KIRREL3: variants seen among roughly 807,000 people sequenced by gnomAD.
The protein encoded by KIRREL3 is kin of IRRE-like protein 3.
Under a neutral mutation model 89.7 loss-of-function variants are expected in KIRREL3, and 36 were observed. The ratio of observed to expected loss-of-function variants is 0.40; its 90% CI spans 0.31 to 0.53. The LOEUF is 0.53. Among genes scored for constraint, KIRREL3 ranks in the 20% least tolerant of loss-of-function variants. The pLI is 0.49. For missense variants in KIRREL3, 864 were observed against 1,056.6 expected, an observed-to-expected ratio of 0.82 and a Z score of 2.53; for synonymous variants, 445 against 441.4, an observed-to-expected ratio of 1.01 and a Z score of -0.10.
rs1013885211 is a variant in KIRREL3 at position 126,531,694 on chromosome 11, C to T, written c.134-5007G>A. 1.3e-5 allele frequency among the ~76,000 whole-genome samples: 2 copies of T among 152,098 alleles called. No individual in the cohort carries two copies. Among genetic ancestry groups the T allele is most frequent in the African/African-American group, 4.8e-5 (2 of 41,406 alleles). On this transcript the variant is annotated intron_variant, in intron 2 of 16. Coordinates refer to ENST00000525144, the MANE Select transcript of KIRREL3 (RefSeq NM_032531.4). This position sits in a 1 kb window ranked among gnomAD's most constrained non-coding sequence, Gnocchi z 4.7. ...GTCTTCTCTCTATATTCTCATCTTG[C>T]CTCTTTTTCATCAATTTCTCCAAAC...
intron 1 of KIRREL3, among the ~76,000 whole-genome samples, chr11:126,654,044 A>G (rs1002485915): frequency 1.3e-5 from 2 of 152,154 alleles, no homozygotes; most frequent in Admixed American, 1.3e-4. Flanking sequence ...GATGTCCTTG[A>G]ATCTCCCTAT....
Position 126,870,065 on chromosome 11 carries a change from T to C in KIRREL3, c.55+130390A>G, listed in dbSNP as rs923446707. On this transcript the variant is annotated intron_variant, in intron 1 of 16. Transcript: ENST00000525144. The surrounding 1 kb of genome is among the most constrained non-coding windows in gnomAD (Gnocchi z 4.4). Reference sequence around the variant, plus strand: ...GTCCTCTAATCTTGAGTAAAGTTCATTGGGCCCATGTACAGCTGGCACTTC... The same window carrying C: ...GTCCTCTAATCTTGAGTAAAGTTCACTGGGCCCATGTACAGCTGGCACTTC... Among the ~76,000 whole-genome samples the C allele has an allele frequency of 1.3e-4, 20 of 152,210 alleles. No individual in the cohort carries two copies. Among genetic ancestry groups the C allele is most frequent in the Admixed American group, 6.5e-4 (10 of 15,284 alleles).
At chr11:126,590,125 C>T (rs941639170) in intron 1 of KIRREL3, among the ~76,000 whole-genome samples, 1 of 152,208 alleles carries the variant, frequency 6.6e-6, no homozygotes, top group Non-Finnish European at 1.5e-5. Context: ...GCATACCTAA[C>T]CATTATACAG....
At chr11:126,596,420 T>C (rs972916788) in intron 1 of KIRREL3, among the ~76,000 whole-genome samples, 1 of 152,232 alleles carries the variant, frequency 6.6e-6, no homozygotes, top group Non-Finnish European at 1.5e-5. Flanking sequence ...ACATGCCCAA[T>C]GTCACACAGC....
At chr11:126,942,010 CT>C (rs1368469396) in intron 1 of KIRREL3, among the ~76,000 whole-genome samples, 1 of 152,168 alleles carries the variant, frequency 6.6e-6, no homozygotes, top group Non-Finnish European at 1.5e-5. Flanking sequence ...AAGAACTGGC[CT>C]TTACCAGCTC....
At chr11:126,873,528 C>T (rs1945176339) in intron 1 of KIRREL3, among the ~76,000 whole-genome samples, 1 of 152,166 alleles carries the variant, frequency 6.6e-6, no homozygotes, top group Non-Finnish European at 1.5e-5. Context: ...TCCCTTTGTG[C>T]ATTTTTCTTT....
chr11:126,493,047 G>C (rs1373535659), intron 4 of KIRREL3, among the ~76,000 whole-genome samples: 2 of 152,244 alleles, frequency 1.3e-5, no homozygotes, highest in Non-Finnish European at 2.9e-5. Context: ...CAATTTCCCT[G>C]CAGGGATTGA....
At position 126,715,591 on chromosome 11, in the gene KIRREL3, A is replaced by G. The variant is rs1243713260; in HGVS notation, c.56-152679T>C. On this transcript the variant is annotated intron_variant, in intron 1 of 16. Transcript: ENST00000525144. The surrounding 1 kb of genome is among the most constrained non-coding windows in gnomAD (Gnocchi z 4.4). ...GCTTGAGAAAATGCAGTTTGGGAATATAGGAGAACGTGGACCATTTTGCAA... is the reference window on the plus strand; with the variant it reads ...GCTTGAGAAAATGCAGTTTGGGAATGTAGGAGAACGTGGACCATTTTGCAA... Among the ~76,000 whole-genome samples, 1 of 152,196 alleles carries G rather than the reference A, an allele frequency of 6.6e-6. No individual in the cohort carries two copies. The highest frequency in any genetic ancestry group is 1.5e-5 in the Non-Finnish European group (1 of 68,038).
chr11:126,665,891 T>C (rs1945640271), intron 1 of KIRREL3, among the ~76,000 whole-genome samples: 2 of 152,190 alleles, frequency 1.3e-5, no homozygotes, highest in Admixed American at 6.5e-5. Flanking sequence ...TTTGTAAAAC[T>C]GGAATCATAA....
intron 1 of KIRREL3, among the ~76,000 whole-genome samples, chr11:126,820,010 T>G (rs919559861): frequency 6.6e-6 from 1 of 152,246 alleles, no homozygotes; most frequent in Non-Finnish European, 1.5e-5. Flanking sequence ...AAATTTGAAG[T>G]GCTTTCAACA....
Position 126,475,677 on chromosome 11 carries a change from C to T in KIRREL3, c.434-2211G>A, listed in dbSNP as rs117496837. Among the ~76,000 whole-genome samples the T allele has an allele frequency of 0.028, 4,290 of 152,246 alleles. 92 individuals are homozygous for T. The highest frequency in any genetic ancestry group is 0.048 in the Middle Eastern group (14 of 294). On this transcript the variant is annotated intron_variant, in intron 4 of 16. Coordinates refer to ENST00000525144, the MANE Select transcript of KIRREL3 (RefSeq NM_032531.4). This position sits in a 1 kb window ranked among gnomAD's most constrained non-coding sequence, Gnocchi z 7.5. ...TGAATGGGATGGATGGAGAAGACGA[C>T]CCCCCAGCCGCCCACCCCACACCCT... is the stretch of plus-strand genomic sequence containing the variant.
chr11:126,499,620 C>T (rs1251735824), intron 4 of KIRREL3, among the ~76,000 whole-genome samples: 1 of 152,236 alleles, frequency 6.6e-6, no homozygotes, highest in Non-Finnish European at 1.5e-5. Context: ...GCACGCCAAA[C>T]ATCCCAAACG....
rs189211950 is a variant in KIRREL3, at chr11:126,919,744, A to G, written c.55+80711T>C. 3.3e-5 allele frequency among the ~76,000 whole-genome samples: 5 copies of G among 152,348 alleles called. No individual in the cohort carries two copies. The South Asian group carries it at 6.2e-4, about 19-fold the overall frequency. ...TATGTGCACAGTAAGCATGGGGCTA[A>G]ATAGGTGTGCATGACTTTCAGATTA... On this transcript the variant is annotated intron_variant, in intron 1 of 16. Coordinates refer to ENST00000525144, the MANE Select transcript of KIRREL3 (RefSeq NM_032531.4).
rs560602456 is a variant in KIRREL3 at position 126,747,106 on chromosome 11, G to A, written c.56-184194C>T. Among the ~76,000 whole-genome samples, 23 of 152,336 alleles carry A rather than the reference G, an allele frequency of 1.5e-4. No individual in the cohort carries two copies. In the South Asian group the frequency reaches 3.3e-3, roughly 22 times the overall value. ...ATTGAAGACCTTTCCTAAAATGACT[G>A]GAATCGCCTCAGCTGTGTAGCTAAC... is the stretch of plus-strand genomic sequence containing the variant. On this transcript the variant is annotated intron_variant, in intron 1 of 16. Transcript: ENST00000525144. The surrounding 1 kb of genome is among the most constrained non-coding windows in gnomAD (Gnocchi z 4.7).
chr11:126,574,336 G>T lies in KIRREL3; in HGVS notation c.56-11424C>A, dbSNP rs926952008. Among the ~76,000 whole-genome samples the T allele has an allele frequency of 6.6e-6, 1 of 152,162 alleles. No individual in the cohort carries two copies. Among genetic ancestry groups the T allele is most frequent in the Non-Finnish European group, 1.5e-5 (1 of 68,036 alleles). On this transcript the variant is annotated intron_variant, in intron 1 of 16. Transcript: ENST00000525144. The surrounding 1 kb of genome is among the most constrained non-coding windows in gnomAD (Gnocchi z 5.3). Reference sequence around the variant, plus strand: ...CCTTCAGAGCCCCATATCCAAGCTGGTGGCCCAGCAACAAAAATCAAAGCT... The same window carrying T: ...CCTTCAGAGCCCCATATCCAAGCTGTTGGCCCAGCAACAAAAATCAAAGCT...
At chr11:126,425,065 T>C in intron 16 of KIRREL3, 42 bp from the exon 17 acceptor site, 1 of 1,461,280 alleles carries the variant, frequency 6.8e-7, no homozygotes, top group Non-Finnish European at 9.1e-7. Flanking sequence ...TGGTGGAGTC[T>C]CCACTGAGCG....
Position 126,867,016 on chromosome 11 carries a change from T to C in KIRREL3, c.55+133439A>G, listed in dbSNP as rs1944948212. Among the ~76,000 whole-genome samples, 1 of 152,228 alleles carries C rather than the reference T, an allele frequency of 6.6e-6. No homozygotes were observed. The highest frequency in any genetic ancestry group is 2.4e-5 in the African/African-American group (1 of 41,462). On this transcript the variant is annotated intron_variant, in intron 1 of 16. Transcript: ENST00000525144. This position sits in a 1 kb window ranked among gnomAD's most constrained non-coding sequence, Gnocchi z 4.7. ...TGTCCTTGCGATAAGGCAGAGGGTC[T>C]AATTGAGCTGGTTAACACAAGCTGC...
At chr11:126,482,079 C>T (rs1347725757) in intron 4 of KIRREL3, among the ~76,000 whole-genome samples, 1 of 152,198 alleles carries the variant, frequency 6.6e-6, no homozygotes, top group Non-Finnish European at 1.5e-5. Flanking sequence ...ACTCTTGTTG[C>T]CCAGGCTGGA....
chr11:126,486,663 C>A lies in KIRREL3; in HGVS notation c.434-13197G>T, dbSNP rs1321055365. Among the ~76,000 whole-genome samples the A allele has an allele frequency of 2.6e-5, 4 of 152,126 alleles. No homozygotes were observed. Among genetic ancestry groups the A allele is most frequent in the African/African-American group, 9.7e-5 (4 of 41,420 alleles). The stretch of plus-strand genomic sequence containing the variant: ...TGGTATGGTGGGCCCTTGCAGTAGC[C>A]TTATTTCATAGGTGGGTAAACTGAG... On this transcript the variant is annotated intron_variant, in intron 4 of 16. Transcript: ENST00000525144. This position sits in a 1 kb window ranked among gnomAD's most constrained non-coding sequence, Gnocchi z 6.2.
Sources: allele counts gnomAD v4.1 joint callset (sites outside exome capture counted in the v4.1 genomes callset), GRCh38; gene constraint gnomAD v4.1.1; non-coding constraint Gnocchi (gnomAD v3.1); transcripts MANE v1.5; gene names NCBI Gene and HGNC (gene_info 2026-07-23, HGNC 2026-07-21).